Variants in CPEB3 observed in about 807,000 individuals in gnomAD.
CPEB3 encodes cytoplasmic polyadenylation element binding protein 3, also known as cytoplasmic polyadenylation element-binding protein 3.
CPEB3 carries 20 observed loss-of-function variants against 67.2 expected under a neutral mutation model. The ratio of observed to expected loss-of-function variants is 0.30; its 90% CI spans 0.21 to 0.43. The LOEUF (loss-of-function observed/expected upper bound fraction) is 0.43, where lower values mean the gene tolerates loss of function less well. CPEB3 is among the 20% of genes least tolerant of loss of function. The pLI is 1.00. For missense variants in CPEB3, 746 were observed against 968.6 expected, an observed-to-expected ratio of 0.77 and a Z score of 3.05; for synonymous variants, 376 against 393.1, an observed-to-expected ratio of 0.96 and a Z score of 0.51.
intron 4 of CPEB3, 118 bp downstream of exon 4, chr10:92,180,845 C>A (rs1848426910): frequency 1.4e-6 from 1 of 696,220 alleles, no homozygotes; most frequent in African/African-American, 1.8e-5. Context: ...TAGTACAGAA[C>A]AATGGTCTAT....
intron 2 of CPEB3, among the ~76,000 whole-genome samples, chr10:92,206,484 A>T (rs1849797275): frequency 6.6e-6 from 1 of 152,044 alleles, no homozygotes; most frequent in African/African-American, 2.4e-5. Flanking sequence ...CTCAGGCTGG[A>T]GTACATCTGT....
At chr10:92,074,468 G>A (rs1842866291) in intron 9 of CPEB3, among the ~76,000 whole-genome samples, 1 of 152,166 alleles carries the variant, frequency 6.6e-6, no homozygotes, top group African/African-American at 2.4e-5. Flanking sequence ...ACAAATGAAT[G>A]GTAGACATGT....
intron 6 of CPEB3, chr10:92,119,073 G>T (rs1220763643): frequency 2.3e-5 from 36 of 1,580,428 alleles, no homozygotes; most frequent in Admixed American, 3.3e-5. Context: ...TGAGACCTAG[G>T]AAAAGGCCTG....
chr10:92,052,228 G>T lies in CPEB3; in HGVS notation c.2081C>A (p.Pro694Gln). The T allele has an allele frequency of 6.2e-7, 1 of 1,613,454 alleles. No individual in the cohort carries two copies. The highest frequency in any genetic ancestry group is 8.5e-7 in the Non-Finnish European group (1 of 1,179,684). The change falls in exon 10 of 10, where the codon CCG becomes CAG. Residue 694 changes from proline (P) to glutamine (Q), a missense_variant. By Grantham distance (76) the Pro-to-Gln change is moderately conservative. Around this residue, in one of 2 missense-constraint regions of CPEB3, gnomAD observed 103 missense variants for 251.1 expected, o/e 0.41. Coordinates refer to ENST00000265997, the MANE Select transcript of CPEB3 (RefSeq NM_014912.5). ...KEGGDRPRHV[P>Q]FRWS ...GCCCGTGGCTCAGCTCCAGCGGAACGGGACGTGACGAGGGCGGTCGCCTCC... is the reference window on the plus strand; with the variant it reads ...GCCCGTGGCTCAGCTCCAGCGGAACTGGACGTGACGAGGGCGGTCGCCTCC...
At chr10:92,236,605 C>T (rs765973447) in intron 2 of CPEB3, among the ~76,000 whole-genome samples, 4 of 152,032 alleles carry the variant, frequency 2.6e-5, no homozygotes, top group African/African-American at 9.7e-5. Flanking sequence ...AAAAATTAGC[C>T]GGGCGTGGTG....
At chr10:92,064,322 A>C (rs1353624077) in intron 9 of CPEB3, among the ~76,000 whole-genome samples, 1 of 152,214 alleles carries the variant, frequency 6.6e-6, no homozygotes, top group Non-Finnish European at 1.5e-5. Flanking sequence ...ATTTCAGAGA[A>C]CCCAGAAGAT....
chr10:92,213,520 G>C (rs753564461), intron 2 of CPEB3, among the ~76,000 whole-genome samples: 2 of 152,320 alleles, frequency 1.3e-5, no homozygotes, highest in East Asian at 3.9e-4. Context: ...TGGAATGGTA[G>C]AGTAGGAGAA....
intron 6 of CPEB3, among the ~76,000 whole-genome samples, chr10:92,131,574 G>A (rs1215376085): frequency 6.6e-6 from 1 of 152,160 alleles, no homozygotes; most frequent in Non-Finnish European, 1.5e-5. Flanking sequence ...TCACAATGAT[G>A]ACTTATTCTG....
intron 9 of CPEB3, among the ~76,000 whole-genome samples, chr10:92,053,368 T>C (rs969299522): frequency 1.3e-5 from 2 of 149,694 alleles, no homozygotes; most frequent in Non-Finnish European, 3.0e-5. Context: ...TTTTTTTTTT[T>C]AATTATTATT....
intron 1 of CPEB3, among the ~76,000 whole-genome samples, chr10:92,275,560 TA>T (rs1462134606): frequency 6.6e-6 from 1 of 152,160 alleles, no homozygotes; most frequent in African/African-American, 2.4e-5. Flanking sequence ...TTCACTCACT[TA>T]AAGTGTACAA....
intron 3 of CPEB3, among the ~76,000 whole-genome samples, chr10:92,186,401 A>AATC (rs200201562): frequency 0.013 from 1,969 of 150,754 alleles, 47 homozygotes; most frequent in African/African-American, 0.046. Context: ...AAATAATAAT[A>AATC]ATCATCATCA....
rs7910978 is a variant in CPEB3 at position 92,054,032 on chromosome 10, G to A, written c.1870-1593C>T. On this transcript the variant is annotated intron_variant, in intron 9 of 9. Coordinates refer to ENST00000265997, the MANE Select transcript of CPEB3 (RefSeq NM_014912.5). ...TTTGATTTGCATTTTTCTAATGACT[G>A]ACAATGTTTAGCATTTTTTTCATGT... Among the ~76,000 whole-genome samples, 452 of 152,292 alleles carry A rather than the reference G, an allele frequency of 3.0e-3. 1 individual carries two copies. Among genetic ancestry groups the A allele is most frequent in the African/African-American group, 0.01 (429 of 41,566 alleles).
At chr10:92,178,272 C>T (rs892080826) in intron 4 of CPEB3, among the ~76,000 whole-genome samples, 4 of 151,890 alleles carry the variant, frequency 2.6e-5, no homozygotes, top group Admixed American at 2.6e-4. Context: ...GATTCTCCTG[C>T]CTCAGCCTCC....
Position 92,241,793 on chromosome 10 carries a change from G to A in CPEB3, c.-11-1432C>T, listed in dbSNP as rs868577722. ...AAATATATAAATATTACAGTGCTGA[G>A]ACCCTAAAAACAAATATTTTGAAAT... On this transcript the variant is annotated intron_variant, in intron 1 of 9. Coordinates refer to ENST00000265997, the MANE Select transcript of CPEB3 (RefSeq NM_014912.5). Among the ~76,000 whole-genome samples, 4 of 152,200 alleles carry A rather than the reference G, an allele frequency of 2.6e-5. No homozygotes were observed. The Middle Eastern group carries it at 0.01, about 388-fold the overall frequency.
intron 3 of CPEB3, among the ~76,000 whole-genome samples, chr10:92,189,147 T>C (rs1038264795): frequency 6.6e-6 from 1 of 152,220 alleles, no homozygotes; most frequent in Non-Finnish European, 1.5e-5. Flanking sequence ...CTTAAAGTAC[T>C]AGATATCCTA....
intron 4 of CPEB3, among the ~76,000 whole-genome samples, chr10:92,161,301 C>T (rs1309836138): frequency 6.6e-6 from 1 of 151,276 alleles, no homozygotes; most frequent in African/African-American, 2.4e-5. Context: ...GACAGAGTTT[C>T]GCCCTTGTTG....
At chr10:92,212,649 T>C (rs1167532018) in intron 2 of CPEB3, among the ~76,000 whole-genome samples, 6 of 152,226 alleles carry the variant, frequency 3.9e-5, no homozygotes, top group Admixed American at 2.0e-4. Flanking sequence ...GTGCTGTATT[T>C]GTAAAGTACC....
intron 6 of CPEB3, among the ~76,000 whole-genome samples, chr10:92,131,990 AT>A (rs771692973): frequency 1.6e-4 from 24 of 152,212 alleles, no homozygotes; most frequent in Non-Finnish European, 3.4e-4. Flanking sequence ...AGTGAAGTTA[AT>A]TTTAATATCT....
chr10:92,213,342 A>G (rs981653769), intron 2 of CPEB3, among the ~76,000 whole-genome samples: 1 of 152,248 alleles, frequency 6.6e-6, no homozygotes, highest in African/African-American at 2.4e-5. Flanking sequence ...TCAATGAATA[A>G]GAATTGTAAA....
Sources: gnomAD v4.1 joint callset for allele counts (sites outside exome capture counted in the v4.1 genomes callset) on GRCh38, gnomAD v4.1.1 for gene constraint, gnomAD v4.1.1 regional missense constraint, MANE v1.5 for transcripts, NCBI Gene and HGNC (gene_info 2026-07-23, HGNC 2026-07-21) for gene names.